Variants in SH3KBP1 observed in about 807,000 individuals in gnomAD.
The protein encoded by SH3KBP1 is SH3 domain-containing kinase-binding protein 1.
In SH3KBP1, 8 loss-of-function variants were observed where a neutral mutation model predicts 50.1. That is an observed-to-expected ratio of 0.16 (90% CI 0.09 to 0.29). The LOEUF is 0.29. SH3KBP1 is among the 10% of genes least tolerant of loss of function. The pLI is 1.00. For synonymous variants in SH3KBP1, 227 were observed against 218.6 expected, an observed-to-expected ratio of 1.04 and a Z score of -0.34; for missense variants, 377 against 535.2, an observed-to-expected ratio of 0.70 and a Z score of 2.92.
At chrX:19,873,273 C>CATATATATATATATATGTAT (rs1314983911) in intron 1 of SH3KBP1, among the ~76,000 whole-genome samples, 1 of 78,619 alleles carries the variant, frequency 1.3e-5, no homozygotes, top group Non-Finnish European at 2.4e-5. Context: ...AAAACAAGGA[C>CATATATATATATATATGTAT]ATATATATAT....
chrX:19,746,279 T>C (rs1569453591), intron 3 of SH3KBP1, 39 bp downstream of exon 3: 3 of 1,196,867 alleles, frequency 2.5e-6, no homozygotes, highest in East Asian at 3.0e-5. Context: ...CAGCTTTTGT[T>C]TGTGTGCAGG....
intron 1 of SH3KBP1, among the ~76,000 whole-genome samples, chrX:19,849,800 G>A (rs958501985): frequency 9.0e-6 from 1 of 111,078 alleles, no homozygotes; most frequent in African/African-American, 3.3e-5. Flanking sequence ...TGTAAAAATT[G>A]GATATTTGAA....
intron 2 of SH3KBP1, among the ~76,000 whole-genome samples, chrX:19,803,025 TCA>T (rs752739856): frequency 5.0e-4 from 55 of 110,787 alleles, no homozygotes; most frequent in East Asian, 2.0e-3. Flanking sequence ...TCCAGCGACT[TCA>T]GACTCAGTAC....
chrX:19,784,770 A>C (rs1017410876), intron 2 of SH3KBP1, among the ~76,000 whole-genome samples: 3 of 109,712 alleles, frequency 2.7e-5, no homozygotes, highest in Admixed American at 9.7e-5. Context: ...ACACCTGACT[A>C]ATTTTTATAT....
chrX:19,561,078 A>C (rs1486176902), intron 13 of SH3KBP1, among the ~76,000 whole-genome samples: 1 of 107,410 alleles, frequency 9.3e-6, no homozygotes, highest in Admixed American at 1.0e-4. Context: ...TGTCTAAAAA[A>C]AAAAAAAAAA....
chrX:19,776,754 A>G (rs777098245), intron 2 of SH3KBP1, among the ~76,000 whole-genome samples: 20 of 108,346 alleles, frequency 1.8e-4, no homozygotes, highest in Non-Finnish European at 2.3e-4. Flanking sequence ...AGGTCTTGCT[A>G]CGTTTCCCAG....
intron 2 of SH3KBP1, among the ~76,000 whole-genome samples, chrX:19,822,490 A>G (rs750348384): frequency 3.7e-4 from 42 of 112,029 alleles, no homozygotes; most frequent in Non-Finnish European, 6.4e-4. Context: ...TTTTTGGTTC[A>G]ATAACTTCCA....
At chrX:19,679,114 C>T (rs2062991274) in intron 6 of SH3KBP1, among the ~76,000 whole-genome samples, 1 of 111,962 alleles carries the variant, frequency 8.9e-6, no homozygotes, top group Non-Finnish European at 1.9e-5. Flanking sequence ...CACACATGAA[C>T]GGACACACAC....
At chrX:19,584,056 A>G (rs1425338271) in intron 12 of SH3KBP1, among the ~76,000 whole-genome samples, 1 of 90,526 alleles carries the variant, frequency 1.1e-5, no homozygotes, top group Non-Finnish European at 2.0e-5. Context: ...ATTCTTTTCT[A>G]TATTTCAAAA....
chrX:19,715,369 C>T (rs996213638), intron 3 of SH3KBP1, among the ~76,000 whole-genome samples: 2 of 109,342 alleles, frequency 1.8e-5, no homozygotes, highest in Non-Finnish European at 3.8e-5. Context: ...AGATAGAAAG[C>T]AAATGTGACA....
chrX:19,561,232 G>C (rs1335061553), intron 13 of SH3KBP1, among the ~76,000 whole-genome samples: 1 of 110,489 alleles, frequency 9.1e-6, no homozygotes, highest in African/African-American at 3.3e-5. Flanking sequence ...TCAAAGCCTA[G>C]TATGCTTTTT....
intron 6 of SH3KBP1, among the ~76,000 whole-genome samples, chrX:19,668,305 G>A (rs182523011): frequency 9.1e-5 from 10 of 109,337 alleles, no homozygotes; most frequent in East Asian, 5.8e-4. Flanking sequence ...TCAGGAGTTC[G>A]AGACCAGCCT....
intron 13 of SH3KBP1, among the ~76,000 whole-genome samples, chrX:19,564,648 C>T (rs2065785482): frequency 9.1e-6 from 1 of 109,645 alleles, no homozygotes; most frequent in African/African-American, 3.3e-5. Context: ...AATATAATTA[C>T]TTTTTTGTAT....
In SH3KBP1 at chrX:19,878,886, T is replaced by C. The variant is rs2069347551; in HGVS notation, c.4+8421A>G. On this transcript the variant is annotated intron_variant, in intron 1 of 17. Coordinates refer to ENST00000397821, the MANE Select transcript of SH3KBP1 (RefSeq NM_031892.3). Reference sequence around the variant, plus strand: ...AAAATTAATAATGTACCAAAACCCATTGAATTGCACACCTTAAATGGATAA... The same window carrying C: ...AAAATTAATAATGTACCAAAACCCACTGAATTGCACACCTTAAATGGATAA... Among the ~76,000 whole-genome samples, 3 of 112,482 alleles carry C rather than the reference T, an allele frequency of 2.7e-5. No individual in the cohort carries two copies. In the Admixed American group the frequency reaches 2.8e-4, roughly 11 times the overall value.
intron 6 of SH3KBP1, among the ~76,000 whole-genome samples, chrX:19,666,037 G>A (rs1237308296): frequency 9.1e-6 from 1 of 109,648 alleles, no homozygotes; most frequent in Non-Finnish European, 1.9e-5. Flanking sequence ...GAACAAAAGA[G>A]GGTCACAATT....
intron 3 of SH3KBP1, among the ~76,000 whole-genome samples, chrX:19,726,982 C>T (rs1283192250): frequency 1.8e-5 from 2 of 112,306 alleles, no homozygotes; most frequent in African/African-American, 6.5e-5. Flanking sequence ...CCAGAATTCT[C>T]TTACCCAAGT....
intron 2 of SH3KBP1, among the ~76,000 whole-genome samples, chrX:19,794,230 CAAAAAA>C (rs1218495525): frequency 0.03 from 810 of 27,328 alleles, 11 homozygotes; most frequent in African/African-American, 0.071. Flanking sequence ...CCTGTCTCTA[CAAAAAA>C]AAAAAAAAAA....
chrX:19,834,751 T>C (rs2068008742), intron 2 of SH3KBP1, among the ~76,000 whole-genome samples: 1 of 111,671 alleles, frequency 9.0e-6, no homozygotes, highest in Non-Finnish European at 1.9e-5. Flanking sequence ...CAATATGAGC[T>C]GGGCATGGTG....
intron 2 of SH3KBP1, among the ~76,000 whole-genome samples, chrX:19,809,292 G>T (rs943995946): frequency 1.8e-5 from 2 of 111,830 alleles, no homozygotes; most frequent in Non-Finnish European, 3.8e-5. Context: ...TTGGGAGGCC[G>T]AGGCAGGCAG....
Sources: allele counts gnomAD v4.1 joint callset (sites outside exome capture counted in the v4.1 genomes callset), GRCh38; gene constraint gnomAD v4.1.1; transcripts MANE v1.5; gene names NCBI Gene and HGNC (gene_info 2026-07-23, HGNC 2026-07-21).